Variants in MAP3K20 observed in about 807,000 individuals in gnomAD.
MAP3K20 encodes HCCS-4.
A neutral mutation model predicts 85.7 loss-of-function variants in MAP3K20; 40 were observed. That is an observed-to-expected ratio of 0.47 (90% CI 0.36 to 0.61). The LOEUF (loss-of-function observed/expected upper bound fraction) is 0.61, where lower values mean the gene tolerates loss of function less well. MAP3K20 is among the 20% of genes least tolerant of loss of function. The pLI is 0.00. For missense variants in MAP3K20, 817 were observed against 961.7 expected, an observed-to-expected ratio of 0.85 and a Z score of 1.99; for synonymous variants, 325 against 327.7, an observed-to-expected ratio of 0.99 and a Z score of 0.09.
chr2:173,257,279 A>T (rs1203052666), intron 16 of MAP3K20, among the ~76,000 whole-genome samples: 1 of 152,220 alleles, frequency 6.6e-6, no homozygotes, highest in Non-Finnish European at 1.5e-5. Flanking sequence ...CCAAACCTCT[A>T]TCAATAGAGC....
chr2:173,192,097 CCCTGCTGT>C (rs1559271064), intron 7 of MAP3K20, among the ~76,000 whole-genome samples: 3 of 126,832 alleles, frequency 2.4e-5, no homozygotes, highest in Non-Finnish European at 5.4e-5. Flanking sequence ...TATTATACTG[CCCTGCTGT>C]TTATACTATT....
intron 16 of MAP3K20, among the ~76,000 whole-genome samples, chr2:173,250,276 A>G (rs1685013821): frequency 6.6e-6 from 1 of 152,194 alleles, no homozygotes; most frequent in Non-Finnish European, 1.5e-5. Context: ...TGCCATCATA[A>G]ATACTTTCTT....
Position 173,266,141 on chromosome 2 carries a change from G to A in MAP3K20, c.1794G>A (p.Gly598=). 1 of 1,613,730 alleles carries A rather than the reference G, an allele frequency of 6.2e-7. No individual in the cohort carries two copies. Among genetic ancestry groups the A allele is most frequent in the Non-Finnish European group, 8.5e-7 (1 of 1,179,906 alleles). ...GTTCCCAGAGCAATCCTATTCTGGG[G>A]TCACCGTTCTTCTCACACTTTGATG... ...LQRSQSNPIL[G]SPFFSHFDGQ... is the part of the protein sequence containing the mutation. Residue 598 remains glycine, a synonymous_variant, in exon 20 of 20, where the codon GGG becomes GGA. Transcript: ENST00000375213.
At chr2:173,212,082 G>C (rs1023837022) in intron 10 of MAP3K20, 4 of 152,104 alleles carry the variant, frequency 2.6e-5, no homozygotes, top group African/African-American at 9.7e-5. Flanking sequence ...AAATTACCAT[G>C]GTGGTAATAA....
intron 11 of MAP3K20, among the ~76,000 whole-genome samples, chr2:173,227,382 T>C (rs917564968): frequency 2.6e-5 from 4 of 152,182 alleles, no homozygotes; most frequent in Non-Finnish European, 5.9e-5. Flanking sequence ...TACACTGATA[T>C]GTTAACAAGG....
At chr2:173,243,435 T>A (rs554400278) in intron 16 of MAP3K20, among the ~76,000 whole-genome samples, 9 of 152,158 alleles carry the variant, frequency 5.9e-5, no homozygotes, top group Admixed American at 3.9e-4. Context: ...CTTGGAATAA[T>A]TTTGAGGGGA....
At chr2:173,134,890 T>C (rs1688755967) in intron 2 of MAP3K20, among the ~76,000 whole-genome samples, 1 of 152,084 alleles carries the variant, frequency 6.6e-6, no homozygotes, top group South Asian at 2.1e-4. Context: ...AAAGTGTGGA[T>C]TCGGGCGTCA....
chr2:173,124,771 A>G (rs1182340285), intron 2 of MAP3K20, among the ~76,000 whole-genome samples: 1 of 152,188 alleles, frequency 6.6e-6, no homozygotes, highest in Non-Finnish European at 1.5e-5. Flanking sequence ...GCAACAAACA[A>G]GAAAGATGCT....
intron 8 of MAP3K20, among the ~76,000 whole-genome samples, chr2:173,200,505 G>T (rs1056842055): frequency 1.3e-5 from 2 of 152,124 alleles, no homozygotes; most frequent in Non-Finnish European, 2.9e-5. Flanking sequence ...ATGTTCAAGT[G>T]TTCAGGAAGA....
intron 9 of MAP3K20, 42 bp downstream of exon 9, chr2:173,203,912 T>G: frequency 6.4e-7 from 1 of 1,573,720 alleles, no homozygotes; most frequent in African/African-American, 1.3e-5. Context: ...ATTCTGAAAT[T>G]TCTCTTGTTT....
chr2:173,201,346 T>A (rs1016588227), intron 8 of MAP3K20, among the ~76,000 whole-genome samples: 1 of 152,220 alleles, frequency 6.6e-6, no homozygotes, highest in African/African-American at 2.4e-5. Context: ...ATGGATATAT[T>A]TGCTTTTGTC....
intron 1 of MAP3K20, among the ~76,000 whole-genome samples, chr2:173,084,908 A>C (rs1448611038): frequency 1.3e-5 from 2 of 152,220 alleles, no homozygotes; most frequent in Non-Finnish European, 1.5e-5. Flanking sequence ...CAAGTAGCTA[A>C]TAACAGATCT....
intron 1 of MAP3K20, among the ~76,000 whole-genome samples, chr2:173,077,027 T>A (rs142150638): frequency 2.4e-4 from 36 of 151,172 alleles, no homozygotes; most frequent in African/African-American, 8.2e-4. Context: ...ACTTAATTAC[T>A]ATTTTTGTTA....
At chr2:173,260,082 C>G (rs1685252665) in intron 17 of MAP3K20, among the ~76,000 whole-genome samples, 1 of 152,076 alleles carries the variant, frequency 6.6e-6, no homozygotes. Flanking sequence ...AAAAACTAGC[C>G]CAGGCTGGGT....
intron 2 of MAP3K20, among the ~76,000 whole-genome samples, chr2:173,149,198 A>G (rs1689225061): frequency 6.6e-6 from 1 of 152,230 alleles, no homozygotes; most frequent in Non-Finnish European, 1.5e-5. Flanking sequence ...AGTAAAGTGT[A>G]TTCTCATGGT....
At chr2:173,220,466 T>TAA (rs1339270649) in intron 11 of MAP3K20, among the ~76,000 whole-genome samples, 1 of 147,652 alleles carries the variant, frequency 6.8e-6, no homozygotes, top group African/African-American at 2.5e-5. Context: ...TTTACATACT[T>TAA]ACGTCTAACT....
Position 173,077,874 on chromosome 2 carries a change from G to C in MAP3K20, c.-35+1872G>C, listed in dbSNP as rs1029439093. ...ATCTTGGGAACTAAGGGGCCTTCTT[G>C]CCAAATAAGGAAACTTGGCAAGTTG... On this transcript the variant is annotated intron_variant, in intron 1 of 19. Transcript: ENST00000375213. 3.3e-5 allele frequency among the ~76,000 whole-genome samples: 5 copies of C among 152,202 alleles called. No homozygotes were observed. In the East Asian group the frequency reaches 7.7e-4, roughly 23 times the overall value.
intron 2 of MAP3K20, among the ~76,000 whole-genome samples, chr2:173,112,524 A>C (rs1200234791): frequency 1.3e-5 from 2 of 152,104 alleles, no homozygotes; most frequent in African/African-American, 4.8e-5. Context: ...TCCCCATTCA[A>C]AATTATGTTG....
chr2:173,231,790 A>G (rs1173975041), intron 12 of MAP3K20, among the ~76,000 whole-genome samples: 1 of 152,222 alleles, frequency 6.6e-6, no homozygotes, highest in Non-Finnish European at 1.5e-5. Flanking sequence ...GCCTAGAACA[A>G]AAGATTCCTT....
Sources: allele counts gnomAD v4.1 joint callset (sites outside exome capture counted in the v4.1 genomes callset), GRCh38; gene constraint gnomAD v4.1.1; transcripts MANE v1.5; gene names NCBI Gene and HGNC (gene_info 2026-07-23, HGNC 2026-07-21).